Variants in IGSF22 observed in about 807,000 individuals in gnomAD.
The protein encoded by IGSF22 is immunoglobulin superfamily, member 22.
In IGSF22, 119 loss-of-function variants were observed where a neutral mutation model predicts 127.0. The ratio of observed to expected loss-of-function variants is 0.94; its 90% CI spans 0.81 to 1.09. The LOEUF is 1.09. Ranked by LOEUF, IGSF22 falls within the 50% of genes least tolerant of loss-of-function variation. IGSF22 has a pLI of 0.00. For missense variants in IGSF22, 1,518 were observed against 1,716.6 expected (o/e 0.88, Z 2.04); for synonymous variants, 568 against 664.7 (o/e 0.85, Z 2.24).
intron 15 of IGSF22, 50 bp from the exon 16 acceptor site, chr11:18,710,878 A>C: frequency 6.6e-7 from 1 of 1,516,764 alleles, no homozygotes; most frequent in Non-Finnish European, 9.1e-7. Flanking sequence ...GCATGTAGAT[A>C]TTTGCCCACC....
Position 18,720,281 on chromosome 11 carries a change from T to C in IGSF22, c.383A>G (p.Glu128Gly). 6.2e-7 allele frequency: 1 copy of C among 1,613,820 alleles called. No homozygotes were observed. The highest frequency in any genetic ancestry group is 8.5e-7 in the Non-Finnish European group (1 of 1,179,802). Residue 128 changes from glutamate (E) to glycine (G), a missense_variant, in exon 5 of 23, where the codon GAG (glutamate) becomes GGG (glycine). Transcript: ENST00000513874. ...GTCAGAGTCATCCGAAGTCAGTGGC[T>C]CCAGCTGGATCAAAGTCCGGCCATT... is the stretch of plus-strand genomic sequence containing the variant. Reference protein sequence around the residue: ...SINKEHVLKLEPLTSDDSDNY... With the variant: ...SINKEHVLKLGPLTSDDSDNY...
rs2134161642 is a variant in IGSF22, at chr11:18,712,161, C to A, written c.2319G>T (p.Gln773His). The A allele has an allele frequency of 6.4e-7, 1 of 1,551,744 alleles. No homozygotes were observed. The highest frequency in any genetic ancestry group is 2.4e-5 in the East Asian group (1 of 40,918). The change falls in exon 15 of 23, where the codon CAG (glutamine) becomes CAT (histidine). Residue 773 changes from glutamine (Q) to histidine (H), a missense_variant. By Grantham distance (24) the Gln-to-His change is conservative. This residue lies in a region of IGSF22 where 1,456 missense variants were observed against 1,644.9 expected (regional missense o/e 0.89). Transcript: ENST00000513874. The stretch of plus-strand genomic sequence containing the variant: ...CTGAATTGACTGCCAGGATACGGAA[C>A]TGGTAGGCTTTTCCCTCTTCCACCT... ...TNKVEEGKAY[Q>H]FRILAVNSEG... is the part of the protein sequence containing the mutation.
chr11:18,707,693 A>T, intron 20 of IGSF22, 111 bp downstream of exon 20: 1 of 842,202 alleles, frequency 1.2e-6, no homozygotes, highest in East Asian at 2.7e-5. Flanking sequence ...AGAAATCTTC[A>T]TGGCCCTAAG....
At chr11:18,723,717 C>T (rs1384774250) in intron 2 of IGSF22, among the ~76,000 whole-genome samples, 2 of 152,234 alleles carry the variant, frequency 1.3e-5, no homozygotes, top group Non-Finnish European at 2.9e-5. Flanking sequence ...CCACTGGTAG[C>T]CCCAAGTCTC....
chr11:18,719,733 T>C lies in IGSF22; in HGVS notation c.679A>G (p.Lys227Glu), dbSNP rs749175266. 6.2e-6 allele frequency: 10 copies of C among 1,614,180 alleles called. No individual in the cohort carries two copies. The highest frequency in any genetic ancestry group is 8.5e-6 in the Non-Finnish European group (10 of 1,180,038). Residue 227 changes from lysine (K) to glutamate (E), a missense_variant, in exon 7 of 23, where the codon AAG (lysine) becomes GAG (glutamate). Physicochemically the swap from Lys to Glu is moderately conservative, Grantham distance 56 (BLOSUM62 1). Coordinates refer to ENST00000513874, the MANE Select transcript of IGSF22 (RefSeq NM_173588.4). ...GLLRKLKEMK[K>E]KVEVEAIRIL... ...GTACTTACCTCCACCTCTACTTTCT[T>C]CTTCATCTCTTTGAGCTTCCTGAGC...
Position 18,713,958 on chromosome 11 carries a change from T to C in IGSF22, c.1989A>G (p.Ala663=), listed in dbSNP as rs776809545. 5 of 1,614,254 alleles carry C rather than the reference T, an allele frequency of 3.1e-6. No homozygotes were observed. In the South Asian group the frequency reaches 4.4e-5, roughly 14 times the overall value. The change falls in exon 14 of 23, where the codon GCA becomes GCG. Residue 663 remains alanine (A), a synonymous_variant. Transcript: ENST00000513874. ...GCACACAGTTGGAGATGGTGAGCAGTGCCTGGTCTTCCCCGCGCTCCATGG... is the reference window on the plus strand; with the variant it reads ...GCACACAGTTGGAGATGGTGAGCAGCGCCTGGTCTTCCCCGCGCTCCATGG... ...RVSMERGEDQ[A]LLTISNCVRE...
In IGSF22 at chr11:18,716,027, A is replaced by T. The variant is rs1265397843; in HGVS notation, c.1247-311T>A. Among the ~76,000 whole-genome samples the T allele has an allele frequency of 6.6e-6, 1 of 151,986 alleles. No homozygotes were observed. Among genetic ancestry groups the T allele is most frequent in the African/African-American group, 2.4e-5 (1 of 41,356 alleles). On this transcript the variant is annotated intron_variant, in intron 10 of 22. Coordinates refer to ENST00000513874, the MANE Select transcript of IGSF22 (RefSeq NM_173588.4). The surrounding 1 kb of genome is among the most constrained non-coding windows in gnomAD (Gnocchi z 4.5). ...AATGCCCCCTTGGAGCTCCAACCAT[A>T]CCTGCATTGTCTTTCTAATGTCTGG...
chr11:18,704,758 A>G, intron 22 of IGSF22: 1 of 516,966 alleles, frequency 1.9e-6, no homozygotes, highest in East Asian at 3.4e-5. Context: ...TAAGCCTCAT[A>G]GTCCTATAAA....
chr11:18,715,793 G>A, intron 10 of IGSF22, 77 bp from the exon 11 acceptor site: 1 of 1,482,140 alleles, frequency 6.7e-7, no homozygotes, highest in East Asian at 2.3e-5. Flanking sequence ...CAAAAGCCCT[G>A]TCCCTCTTTC....
chr11:18,711,979 A>G, intron 15 of IGSF22, 103 bp downstream of exon 15: 1 of 962,900 alleles, frequency 1.0e-6, no homozygotes. Context: ...ACAGCCAGAG[A>G]GATGTTCCTG....
In IGSF22 at chr11:18,716,987, C is replaced by A; in HGVS notation, c.987G>T (p.Lys329Asn). ...TCACAGGCTTCATCTCTCCCAGGAA[C>A]TTCAGTGGCTCATCTGCAGCAAACA... ...AELTVLDEPL[K>N]FLGEMKPVKV... The change falls in exon 10 of 23, where the codon AAG becomes AAT. Residue 329 changes from lysine to asparagine, a missense_variant. Lys to Asn is a moderately conservative substitution (Grantham distance 94, BLOSUM62 0). Transcript: ENST00000513874. The surrounding 1 kb of genome is among the most constrained non-coding windows in gnomAD (Gnocchi z 4.5). The A allele has an allele frequency of 3.1e-6, 5 of 1,614,122 alleles. No individual in the cohort carries two copies. Among genetic ancestry groups the A allele is most frequent in the Middle Eastern group, 1.6e-4 (1 of 6,062 alleles).
At chr11:18,723,034 C>T (rs547486031) in intron 2 of IGSF22, among the ~76,000 whole-genome samples, 58 of 152,346 alleles carry the variant, frequency 3.8e-4, no homozygotes, top group African/African-American at 1.3e-3. Context: ...CCTGTATTCC[C>T]ATATGGCAAC....
At position 18,719,875 on chromosome 11, in the gene IGSF22, C is replaced by G. The variant is rs1485723909; in HGVS notation, c.537G>C (p.Lys179Asn). ...MLKKRAPPAP[K>N]KKQKKVANEK... Reference sequence around the variant, plus strand: ...CATTTGCCACCTTCTTCTGCTTCTTCTTGGGAGCAGGGGGTGCCCTAGGAG... The same window carrying G: ...CATTTGCCACCTTCTTCTGCTTCTTGTTGGGAGCAGGGGGTGCCCTAGGAG... Residue 179 changes from lysine (K) to asparagine (N), a missense_variant, in exon 7 of 23, where the codon AAG (lysine) becomes AAC (asparagine). Lys to Asn is a moderately conservative substitution (Grantham distance 94). Transcript: ENST00000513874. The G allele has an allele frequency of 2.5e-6, 4 of 1,614,030 alleles. No homozygotes were observed. The East Asian group carries it at 8.9e-5, about 36-fold the overall frequency.
At chr11:18,705,775 G>C (rs571040017) in intron 22 of IGSF22, 42 bp downstream of exon 22, 2 of 1,484,820 alleles carry the variant, frequency 1.3e-6, no homozygotes, top group East Asian at 5.0e-5. Context: ...AGCCTTTTGC[G>C]CCTCTCCCCC....
rs1848467214 is a variant in IGSF22, at chr11:18,716,601, C to T, written c.1246+127G>A. On this transcript the variant is annotated intron_variant, in intron 10 of 22. Transcript: ENST00000513874. This position sits in a 1 kb window ranked among gnomAD's most constrained non-coding sequence, Gnocchi z 4.5. ...ACAGAGAGGAGATCCCCCTGTCTTT[C>T]CAGTACCTACCACAGGGCTTTGCAA... is the stretch of plus-strand genomic sequence containing the variant. 3 of 942,560 alleles carry T rather than the reference C, an allele frequency of 3.2e-6. No homozygotes were observed. The highest frequency in any genetic ancestry group is 4.9e-6 in the Non-Finnish European group (3 of 616,618). 58.4% of individuals were successfully genotyped at this position (942,560 alleles called of 1,614,324 possible).
At position 18,714,586 on chromosome 11, in the gene IGSF22, G is replaced by A; in HGVS notation, c.1570C>T (p.His524Tyr). The change falls in exon 12 of 23, where the codon CAC becomes TAC. Residue 524 changes from histidine to tyrosine, a missense_variant. Coordinates refer to ENST00000513874, the MANE Select transcript of IGSF22 (RefSeq NM_173588.4). ...TCAGCTGGGCTCCCAGTGGCCGCGT[G>A]CACGTCGGACATCCCGCTCTTCACT... ...ATVKSGMSDV[H>Y]AATGSPAELC... 3 of 1,614,196 alleles carry A rather than the reference G, an allele frequency of 1.9e-6. No individual in the cohort carries two copies. The highest frequency in any genetic ancestry group is 2.5e-6 in the Non-Finnish European group (3 of 1,180,054).
chr11:18,707,081 C>T lies in IGSF22; in HGVS notation c.3413G>A (p.Ser1138Asn), dbSNP rs756661361. 6.4e-6 allele frequency: 10 copies of T among 1,551,584 alleles called. No homozygotes were observed. The highest frequency in any genetic ancestry group is 2.7e-5 in the African/African-American group (2 of 73,042). The stretch of plus-strand genomic sequence containing the variant: ...GGCTGCCGTGTACCAGGTGGCTGTG[C>T]TTGCATCCCGCTTCATGATGATGTA... ...AHYIIMKRDA[S>N]TATWYTAAER... Residue 1138 changes from serine to asparagine, a missense_variant, in exon 21 of 23, where the codon AGC becomes AAC. This residue lies in a region of IGSF22 where 1,456 missense variants were observed against 1,644.9 expected (regional missense o/e 0.89). Coordinates refer to ENST00000513874, the MANE Select transcript of IGSF22 (RefSeq NM_173588.4).
rs764785265 is a variant in IGSF22 at position 18,714,142 on chromosome 11, G to C, written c.1805C>G (p.Pro602Arg). 6 of 1,609,862 alleles carry C rather than the reference G, an allele frequency of 3.7e-6. No homozygotes were observed. Among genetic ancestry groups the C allele is most frequent in the Non-Finnish European group, 5.1e-6 (6 of 1,176,858 alleles). The change falls in exon 14 of 23, where the codon CCT becomes CGT. Residue 602 changes from proline to arginine, a missense_variant. Physicochemically the swap from Pro to Arg is moderately radical, Grantham distance 103 (BLOSUM62 -2). This residue lies in a region of IGSF22 where 1,456 missense variants were observed against 1,644.9 expected (regional missense o/e 0.89). Coordinates refer to ENST00000513874, the MANE Select transcript of IGSF22 (RefSeq NM_173588.4). ...SEASVFIADP[P>R]TIDPSVLEAL... ...CTCCAGTACTGACGGGTCGATGGTA[G>C]GAGGATCTGTGGGGCGGGGCGGCAG...
In IGSF22 at chr11:18,712,251, A is replaced by C; in HGVS notation, c.2229T>G (p.Val743=). 6.4e-7 allele frequency: 1 copy of C among 1,551,728 alleles called. No individual in the cohort carries two copies. Reference sequence around the variant, plus strand: ...CTATCTTAATCCAGGACTTCTTGCCAACTGCCCTCCGTTCCACTATGAACT... The same window carrying C: ...CTATCTTAATCCAGGACTTCTTGCCCACTGCCCTCCGTTCCACTATGAACT... ...VTQFIVERRA[V]GKKSWIKIGE... is the part of the protein sequence containing the mutation. Residue 743 remains valine (V), a synonymous_variant, in exon 15 of 23, where the codon GTT becomes GTG. Transcript: ENST00000513874.
Sources: gnomAD v4.1 joint callset for allele counts (sites outside exome capture counted in the v4.1 genomes callset) on GRCh38, gnomAD v4.1.1 for gene constraint, gnomAD v4.1.1 regional missense constraint, Gnocchi (gnomAD v3.1) non-coding constraint, MANE v1.5 for transcripts, NCBI Gene and HGNC (gene_info 2026-07-23, HGNC 2026-07-21) for gene names.